HMCN2: variants seen among roughly 807,000 people sequenced by gnomAD.
HMCN2 encodes the protein hemicentin 2, also known as hemicentin-2.
In HMCN2, 325 loss-of-function variants were observed where a neutral mutation model predicts 377.5. That is an observed-to-expected ratio of 0.86 (90% CI 0.79 to 0.94). HMCN2 has a LOEUF of 0.94. Among genes scored for constraint, HMCN2 ranks in the 40% least tolerant of loss-of-function variants. HMCN2 has a pLI of 0.00. For missense variants in HMCN2, 4,543 were observed against 4,725.3 expected (o/e 0.96, Z 1.13); for synonymous variants, 2,007 against 2,046.8 (o/e 0.98, Z 0.53).
intron 40 of HMCN2, among the ~76,000 whole-genome samples, chr9:130,363,715 CGA>C (rs1299063687): frequency 6.6e-6 from 1 of 150,882 alleles, no homozygotes; most frequent in Non-Finnish European, 1.5e-5. Flanking sequence ...CCCAGCTACT[CGA>C]AAGGCTGAAG....
At chr9:130,359,818 G>A (rs1840263672) in intron 37 of HMCN2, among the ~76,000 whole-genome samples, 2 of 152,142 alleles carry the variant, frequency 1.3e-5, no homozygotes, top group Admixed American at 6.5e-5. Context: ...GGCCCAGGAG[G>A]AAGGCCTCTC....
intron 1 of HMCN2, among the ~76,000 whole-genome samples, chr9:130,279,629 A>G (rs1834999977): frequency 6.6e-6 from 1 of 152,226 alleles, no homozygotes; most frequent in Non-Finnish European, 1.5e-5. Flanking sequence ...CTGATATTAC[A>G]GGCGTGAGCC....
At position 130,357,840 on chromosome 9, in the gene HMCN2, C is replaced by T; in HGVS notation, c.5432C>T (p.Pro1811Leu). The T allele has an allele frequency of 7.7e-7, 1 of 1,302,814 alleles. No individual in the cohort carries two copies. Among genetic ancestry groups the T allele is most frequent in the South Asian group, 1.2e-5 (1 of 80,796 alleles). 80.7% of individuals were successfully genotyped at this position (1,302,814 alleles called of 1,614,324 possible). ...AEVEVSVHEF[P>L]SVSIIGGENI... ...TGACTCTTTCCCTTCCCAGAGTTCCCATCGGTCAGTATCATTGGGGGTGAG... is the reference window on the plus strand; with the variant it reads ...TGACTCTTTCCCTTCCCAGAGTTCCTATCGGTCAGTATCATTGGGGGTGAG... Residue 1811 changes from proline (P) to leucine (L), a missense_variant, in exon 35 of 98, where the codon CCA becomes CTA. Physicochemically the swap from Pro to Leu is moderately conservative, Grantham distance 98. Around this residue, in one of 5 missense-constraint regions of HMCN2, gnomAD observed 1,032 missense variants for 1,285.1 expected, o/e 0.80. Transcript: ENST00000683500.
intron 77 of HMCN2, among the ~76,000 whole-genome samples, chr9:130,401,862 C>G (rs896827599): frequency 9.2e-5 from 14 of 151,950 alleles, no homozygotes; most frequent in Non-Finnish European, 2.9e-5. Flanking sequence ...TTGTTTGAAG[C>G]CAGGAGTTTG....
At chr9:130,344,152 A>C (rs1357323533) in intron 25 of HMCN2, among the ~76,000 whole-genome samples, 1 of 151,270 alleles carries the variant, frequency 6.6e-6, no homozygotes, top group Non-Finnish European at 1.5e-5. Context: ...AGAAACCATC[A>C]CCCCTCCCGA....
chr9:130,300,638 T>C (rs781235829), intron 8 of HMCN2, among the ~76,000 whole-genome samples: 4 of 152,250 alleles, frequency 2.6e-5, no homozygotes, highest in Non-Finnish European at 4.4e-5. Context: ...GCACTCAGAA[T>C]GTATCCATTT....
chr9:130,394,559 G>A lies in HMCN2; in HGVS notation c.10676G>A (p.Arg3559Gln), dbSNP rs149109569. ...ENNSRATRVL[R>Q]VENVQVRDAG... ...AACAGCAGAGCCACACGGGTGCTCC[G>A]GGTGGAGAATGTGCAGGTACCAGTG... Residue 3559 changes from arginine to glutamine, a missense_variant, in exon 69 of 98, where the codon CGG becomes CAG. Arg to Gln is a conservative substitution (Grantham distance 43, BLOSUM62 1). Transcript: ENST00000683500. This position sits in a 1 kb window ranked among gnomAD's most constrained non-coding sequence, Gnocchi z 5.1. 7.9e-4 allele frequency: 1,021 copies of A among 1,288,018 alleles called. 1 individual carries two copies. Among genetic ancestry groups the A allele is most frequent in the Non-Finnish European group, 9.8e-4 (965 of 988,068 alleles). The allele number at this position is 1,288,018 out of a possible 1,614,324, so 79.8% of individuals were successfully genotyped here. A position where few individuals can be genotyped will look rare whatever the true frequency, so the allele number is the denominator to read the frequency against.
chr9:130,334,166 G>T (rs1217900916), intron 22 of HMCN2, among the ~76,000 whole-genome samples: 6 of 152,250 alleles, frequency 3.9e-5, no homozygotes, highest in African/African-American at 1.4e-4. Context: ...GCCAAGGAGG[G>T]CTGGTGAGAT....
Position 130,397,601 on chromosome 9 carries a change from C to T in HMCN2, c.11272C>T (p.Leu3758=). Residue 3758 remains leucine (L), a synonymous_variant, in exon 74 of 98, where the codon CTG becomes TTG. Transcript: ENST00000683500. ...CCAGGACGCCGGCCACTACCTCTGC[C>T]TGGCATCCAACTCTGCTGGCTCCGA... ...LAQDAGHYLC[L]ASNSAGSDRQ... is the part of the protein sequence containing the mutation. 7.8e-7 allele frequency: 1 copy of T among 1,289,856 alleles called. No homozygotes were observed. Among genetic ancestry groups the T allele is most frequent in the Non-Finnish European group, 1.0e-6 (1 of 988,884 alleles). The allele number at this position is 1,289,856 out of a possible 1,614,324, so 79.9% of individuals were successfully genotyped here.
At chr9:130,314,334 G>C (rs1837427600) in intron 15 of HMCN2, among the ~76,000 whole-genome samples, 2 of 152,218 alleles carry the variant, frequency 1.3e-5, no homozygotes, top group African/African-American at 4.8e-5. Context: ...GCACTTGTAG[G>C]GGTCCAGGAT....
chr9:130,300,572 G>C (rs1891305), intron 8 of HMCN2, among the ~76,000 whole-genome samples: 58,458 of 152,100 alleles, frequency 0.38, 12,881 homozygotes, highest in African/African-American at 0.62. Flanking sequence ...CAGGGCTGCC[G>C]TGGGGGTGCC....
intron 52 of HMCN2, among the ~76,000 whole-genome samples, chr9:130,377,188 A>T (rs372687807): frequency 4.0e-4 from 61 of 151,794 alleles, no homozygotes; most frequent in African/African-American, 1.4e-3. Context: ...ATCTTGGCTC[A>T]CTGCAGCCTC....
chr9:130,413,748 C>T (rs1843540185), intron 85 of HMCN2, among the ~76,000 whole-genome samples: 1 of 152,052 alleles, frequency 6.6e-6, no homozygotes, highest in African/African-American at 2.4e-5. Context: ...CGTGCGCACA[C>T]ACACGCACAC....
intron 85 of HMCN2, among the ~76,000 whole-genome samples, chr9:130,417,096 A>G (rs532083714): frequency 1.3e-5 from 2 of 149,892 alleles, no homozygotes; most frequent in South Asian, 4.3e-4. Context: ...ATTTTTTAGT[A>G]GAAATAGGGT....
chr9:130,282,961 C>T lies in HMCN2; in HGVS notation c.260-1642C>T, dbSNP rs1208436085. The stretch of plus-strand genomic sequence containing the variant: ...TGGCACATGACTGTGGTCCCAGCTA[C>T]TCAGGGGGCTGAGGCAAGAGAATCG... On this transcript the variant is annotated intron_variant, in intron 1 of 97. Transcript: ENST00000683500. 2.0e-5 allele frequency among the ~76,000 whole-genome samples: 3 copies of T among 152,304 alleles called. No individual in the cohort carries two copies. The East Asian group carries it at 5.8e-4, about 29-fold the overall frequency.
At position 130,406,132 on chromosome 9, in the gene HMCN2, C is replaced by CG; in HGVS notation, c.12518dup (p.Ile4174HisfsTer16). ...TGCAGCCCGGGGCAGCCCCACCCCT[C>CG]GCATTGGCTGGACTGTCAACGACCG... On this transcript the variant is annotated frameshift_variant, in exon 82 of 98. Coordinates refer to ENST00000683500, the MANE Select transcript of HMCN2 (RefSeq NM_001291815.2). LOFTEE classifies it high-confidence loss of function. 1 of 1,289,842 alleles carries CG rather than the reference C, an allele frequency of 7.8e-7. No homozygotes were observed. Among genetic ancestry groups the CG allele is most frequent in the Non-Finnish European group, 1.0e-6 (1 of 988,864 alleles). 79.9% of individuals were successfully genotyped at this position (1,289,842 alleles called of 1,614,324 possible).
rs1159992111 is a variant in HMCN2, at chr9:130,321,781, C to G, written c.2776-6C>G. 1 of 152,274 alleles carries G rather than the reference C, an allele frequency of 6.6e-6. No individual in the cohort carries two copies. Among genetic ancestry groups the G allele is most frequent in the African/African-American group, 2.4e-5 (1 of 41,450 alleles). 9.4% of individuals were successfully genotyped at this position (152,274 alleles called of 1,614,324 possible). A position where few individuals can be genotyped will look rare whatever the true frequency, so the allele number is the denominator to read the frequency against. On this transcript the variant is annotated splice_region_variant and splice_polypyrimidine_tract_variant and intron_variant, in intron 18 of 97. Coordinates refer to ENST00000683500, the MANE Select transcript of HMCN2 (RefSeq NM_001291815.2). The stretch of plus-strand genomic sequence containing the variant: ...GGCTAAGCTGGTGCTTCCTCACCCC[C>G]ACCAGCTCCCACCTGGCAGCCGGCA...
Position 130,379,255 on chromosome 9 carries a change from C to T in HMCN2, c.8219C>T (p.Pro2740Leu). Residue 2740 changes from proline to leucine, a missense_variant, in exon 54 of 98, where the codon CCC (proline) becomes CTC (leucine). By Grantham distance (98) the Pro-to-Leu change is moderately conservative. Coordinates refer to ENST00000683500, the MANE Select transcript of HMCN2 (RefSeq NM_001291815.2). ...QDFNVLIQVP[P>L]MFQKVGDFSA... Reference sequence around the variant, plus strand: ...CTTTGTCTCCCCCACCCAGTGCCCCCCATGTTCCAGAAGGTGGGTGATTTC... The same window carrying T: ...CTTTGTCTCCCCCACCCAGTGCCCCTCATGTTCCAGAAGGTGGGTGATTTC... 1.0e-6 allele frequency: 1 copy of T among 985,612 alleles called. No individual in the cohort carries two copies. Among genetic ancestry groups the T allele is most frequent in the Non-Finnish European group, 1.2e-6 (1 of 829,778 alleles). 61.1% of individuals were successfully genotyped at this position (985,612 alleles called of 1,614,324 possible). A position where few individuals can be genotyped will look rare whatever the true frequency, so the allele number is the denominator to read the frequency against.
Position 130,308,453 on chromosome 9 carries a change from G to A in HMCN2, c.2200+887G>A, listed in dbSNP as rs1277367625. On this transcript the variant is annotated intron_variant, in intron 14 of 97. Transcript: ENST00000683500. This position sits in a 1 kb window ranked among gnomAD's most constrained non-coding sequence, Gnocchi z 4.1. ...AGTTTGACGGACGGGTGCTGGGGTCGCACTAGGTCTTTCTGGGAGCAGTAC... is the reference window on the plus strand; with the variant it reads ...AGTTTGACGGACGGGTGCTGGGGTCACACTAGGTCTTTCTGGGAGCAGTAC... Among the ~76,000 whole-genome samples, 5 of 152,144 alleles carry A rather than the reference G, an allele frequency of 3.3e-5. No individual in the cohort carries two copies. The highest frequency in any genetic ancestry group is 4.1e-4 in the South Asian group (2 of 4,828).
Sources: gnomAD v4.1 joint callset for allele counts (sites outside exome capture counted in the v4.1 genomes callset) on GRCh38, gnomAD v4.1.1 for gene constraint, gnomAD v4.1.1 regional missense constraint, Gnocchi (gnomAD v3.1) non-coding constraint, MANE v1.5 for transcripts, NCBI Gene and HGNC (gene_info 2026-07-23, HGNC 2026-07-21) for gene names.